Variants in WWP1 observed in about 807,000 individuals in gnomAD.
WWP1 encodes the protein WW domain containing E3 ubiquitin protein ligase 1, also known as NEDD4-like E3 ubiquitin-protein ligase WWP1.
Under a neutral mutation model 130.6 loss-of-function variants are expected in WWP1, and 49 were observed. The ratio of observed to expected loss-of-function variants is 0.38; its 90% CI spans 0.30 to 0.48. The LOEUF is 0.48. Among genes scored for constraint, WWP1 ranks in the 20% least tolerant of loss-of-function variants. The probability of loss-of-function intolerance (pLI) is 0.99; values close to 1 mark genes in which losing one functional copy is unlikely to be tolerated. For synonymous variants in WWP1, 332 were observed against 367.8 expected, an observed-to-expected ratio of 0.90 and a Z score of 1.11; for missense variants, 809 against 1,100.6, an observed-to-expected ratio of 0.74 and a Z score of 3.75.
Position 86,342,692 on chromosome 8 carries a change from G to C in WWP1, c.-353G>C, listed in dbSNP as rs913752937. The C allele has an allele frequency of 1.2e-5, 4 of 330,254 alleles. No homozygotes were observed. Among genetic ancestry groups the C allele is most frequent in the Non-Finnish European group, 1.6e-5 (3 of 183,386 alleles). 20.5% of individuals were successfully genotyped at this position (330,254 alleles called of 1,614,324 possible). A position where few individuals can be genotyped will look rare whatever the true frequency, so the allele number is the denominator to read the frequency against. On this transcript the variant is annotated 5_prime_UTR_variant, in exon 1 of 25. Coordinates refer to ENST00000517970, the MANE Select transcript of WWP1 (RefSeq NM_007013.4). ...AGGAAGGGAGGTGTGGGGTCGGCTG[G>C]GGGTGGCGCGTGGACGGGGTGGGGG...
chr8:86,342,836 C>T lies in WWP1; in HGVS notation c.-209C>T. 2.7e-6 allele frequency: 1 copy of T among 367,566 alleles called. No homozygotes were observed. Among genetic ancestry groups the T allele is most frequent in the Non-Finnish European group, 4.9e-6 (1 of 205,988 alleles). 22.8% of individuals were successfully genotyped at this position (367,566 alleles called of 1,614,324 possible). ...TGCCGCCGCGCCTGCTGCGAGATGG[C>T]GATCTTGGGCGCGGAAGGGTGAGGG... On this transcript the variant is annotated 5_prime_UTR_variant, in exon 1 of 25. Transcript: ENST00000517970.
intron 24 of WWP1, among the ~76,000 whole-genome samples, chr8:86,464,338 A>C (rs1367945696): frequency 6.6e-6 from 1 of 152,194 alleles, no homozygotes; most frequent in Non-Finnish European, 1.5e-5. Flanking sequence ...TCCAAAACTA[A>C]AACAAAATCA....
chr8:86,461,398 T>C (rs1377076867), intron 23 of WWP1, 78 bp downstream of exon 23: 5 of 1,242,570 alleles, frequency 4.0e-6, no homozygotes, highest in Non-Finnish European at 4.7e-6. Context: ...ATAGACTTGA[T>C]TGAACCTAAA....
rs1824485004 is a variant in WWP1, at chr8:86,374,049, A to G, written c.-2A>G. The G allele has an allele frequency of 6.2e-7, 1 of 1,605,184 alleles. No homozygotes were observed. The highest frequency in any genetic ancestry group is 1.7e-5 in the Admixed American group (1 of 58,060). The stretch of plus-strand genomic sequence containing the variant: ...AAATAGGTTTTAGCTGAATTTTGGG[A>G]CATGGCCACTGCTTCACCAAGGTCT... On this transcript the variant is annotated 5_prime_UTR_variant, in exon 3 of 25. Coordinates refer to ENST00000517970, the MANE Select transcript of WWP1 (RefSeq NM_007013.4).
chr8:86,447,951 T>G (rs1262428085), intron 18 of WWP1, among the ~76,000 whole-genome samples, 197 bp from the exon 19 acceptor site: 3 of 152,232 alleles, frequency 2.0e-5, no homozygotes, highest in African/African-American at 7.2e-5. Context: ...TATAGCTATG[T>G]GTTATAAAAT....
At chr8:86,429,601 T>C (rs1363324524) in intron 11 of WWP1, among the ~76,000 whole-genome samples, 1 of 152,178 alleles carries the variant, frequency 6.6e-6, no homozygotes, top group African/African-American at 2.4e-5. Context: ...TATGAAAATA[T>C]AAAAGATACT....
At position 86,342,732 on chromosome 8, in the gene WWP1, G is replaced by C; in HGVS notation, c.-313G>C. 2.8e-6 allele frequency: 1 copy of C among 357,240 alleles called. No individual in the cohort carries two copies. Among genetic ancestry groups the C allele is most frequent in the Admixed American group, 4.7e-5 (1 of 21,074 alleles). 22.1% of individuals were successfully genotyped at this position (357,240 alleles called of 1,614,324 possible). A position where few individuals can be genotyped will look rare whatever the true frequency, so the allele number is the denominator to read the frequency against. On this transcript the variant is annotated 5_prime_UTR_variant, in exon 1 of 25. Transcript: ENST00000517970. ...CGGGGTGGGGGTGGGGGGAGGGTCG[G>C]GTGTCGGCGAGCTCCGCGTGCGGGT...
intron 5 of WWP1, among the ~76,000 whole-genome samples, chr8:86,395,541 G>A (rs1807612239): frequency 6.6e-6 from 1 of 152,078 alleles, no homozygotes; most frequent in Non-Finnish European, 1.5e-5. Flanking sequence ...TAGGTGACTA[G>A]GTCAGGGTTA....
intron 22 of WWP1, among the ~76,000 whole-genome samples, chr8:86,459,487 T>G (rs1029789891): frequency 6.6e-6 from 1 of 152,204 alleles, no homozygotes; most frequent in African/African-American, 2.4e-5. Flanking sequence ...AGTGTATGTT[T>G]GGAAATATGT....
chr8:86,351,525 G>A (rs367717181), intron 1 of WWP1, among the ~76,000 whole-genome samples: 8 of 150,078 alleles, frequency 5.3e-5, no homozygotes, highest in African/African-American at 2.0e-4. Context: ...TTTTTTAGTA[G>A]AGATGTTGCC....
rs192985563 is a variant in WWP1, at chr8:86,400,339, A to T, written c.540-1680A>T. Among the ~76,000 whole-genome samples, 9 of 150,590 alleles carry T rather than the reference A, an allele frequency of 6.0e-5. No individual in the cohort carries two copies. The East Asian group carries it at 1.7e-3, about 29-fold the overall frequency. On this transcript the variant is annotated intron_variant, in intron 7 of 24. Coordinates refer to ENST00000517970, the MANE Select transcript of WWP1 (RefSeq NM_007013.4). ...CAGAGCAAGACTTCGTCTCGGGGGG[A>T]AAAAAATAAATAAATAAAGATAGTA... is the stretch of plus-strand genomic sequence containing the variant.
intron 3 of WWP1, among the ~76,000 whole-genome samples, chr8:86,377,004 TTGGGTTAATAA>T (rs1156924535): frequency 6.6e-6 from 1 of 152,188 alleles, no homozygotes; most frequent in Non-Finnish European, 1.5e-5. Flanking sequence ...ATTAAGTGCC[TTGGGTTAATAA>T]TGAGAAACCA....
Position 86,435,656 on chromosome 8 carries a change from A to T in WWP1, c.1701A>T (p.Val567=). Residue 567 remains valine (V), a synonymous_variant, in exon 16 of 25, where the codon GTA becomes GTT. Transcript: ENST00000517970. ...LCQSNALPSH[V]KINVSRQTLF... ...AGTCTAATGCACTACCTAGTCATGT[A>T]AAGATCAATGTGTCCCGGCAGACAT... 6.2e-7 allele frequency: 1 copy of T among 1,613,182 alleles called. No individual in the cohort carries two copies. Among genetic ancestry groups the T allele is most frequent in the Non-Finnish European group, 8.5e-7 (1 of 1,179,902 alleles).
chr8:86,389,141 A>C (rs1317831280), intron 5 of WWP1, among the ~76,000 whole-genome samples: 1 of 152,104 alleles, frequency 6.6e-6, no homozygotes. Flanking sequence ...AAAACATATA[A>C]AGAATATGTG....
At position 86,467,697 on chromosome 8, in the gene WWP1, G is replaced by A. The variant is rs1357396079; in HGVS notation, c.*804G>A. ...TCTTTTGTACTTTGTTTTTAAATCT[G>A]TGATGCTTTTCAAATTTAATTCATA... On this transcript the variant is annotated 3_prime_UTR_variant, in exon 25 of 25. Coordinates refer to ENST00000517970, the MANE Select transcript of WWP1 (RefSeq NM_007013.4). 6.6e-6 allele frequency: 1 copy of A among 152,104 alleles called. No homozygotes were observed. Among genetic ancestry groups the A allele is most frequent in the Non-Finnish European group, 1.5e-5 (1 of 67,986 alleles). The allele number at this position is 152,104 out of a possible 1,614,324, so 9.4% of individuals were successfully genotyped here.
chr8:86,448,643 A>G, intron 20 of WWP1, 130 bp downstream of exon 20: 2 of 804,746 alleles, frequency 2.5e-6, no homozygotes, highest in South Asian at 6.9e-5. Context: ...ATGTTCTTGA[A>G]AAAAGAGAAT....
chr8:86,400,341 A>G (rs1028466252), intron 7 of WWP1, among the ~76,000 whole-genome samples: 2 of 152,100 alleles, frequency 1.3e-5, no homozygotes, highest in African/African-American at 2.4e-5. Context: ...TCGGGGGGAA[A>G]AAAATAAATA....
rs187828294 is a variant in WWP1, at chr8:86,345,459, G to C, written c.-115+2529G>C. ...TCTTTCACTCCTGTCCCTGTGGCTG[G>C]AGTGCAGTGGCGCCTTCTGGGCTCA... On this transcript the variant is annotated intron_variant, in intron 1 of 24. Coordinates refer to ENST00000517970, the MANE Select transcript of WWP1 (RefSeq NM_007013.4). Among the ~76,000 whole-genome samples, 102 of 152,152 alleles carry C rather than the reference G, an allele frequency of 6.7e-4. 3 individuals are homozygous for C. The highest frequency in any genetic ancestry group is 5.1e-3 in the Admixed American group (78 of 15,284).
intron 17 of WWP1, 102 bp downstream of exon 17, chr8:86,438,775 G>A: frequency 8.2e-6 from 8 of 977,676 alleles, no homozygotes; most frequent in Non-Finnish European, 1.1e-5. Context: ...TTAAATTTTT[G>A]AATTAACAAT....
Sources: allele counts gnomAD v4.1 joint callset (sites outside exome capture counted in the v4.1 genomes callset), GRCh38; gene constraint gnomAD v4.1.1; transcripts MANE v1.5; gene names NCBI Gene and HGNC (gene_info 2026-07-23, HGNC 2026-07-21).